The following HSPB7 variants were observed in gnomAD, a reference collection of about 807,000 sequenced individuals.
The protein encoded by HSPB7 is heat shock protein beta-7.
A neutral mutation model predicts 11.0 loss-of-function variants in HSPB7; 9 were observed. The observed-to-expected ratio is 0.82, with a 90% CI of 0.49 to 1.43. The LOEUF (loss-of-function observed/expected upper bound fraction) is 1.43, where lower values mean the gene tolerates loss of function less well. Among genes scored for constraint, HSPB7 ranks in the 40% most tolerant of loss-of-function variants. HSPB7 has a pLI of 0.00. For missense variants in HSPB7, 246 were observed against 243.9 expected (o/e 1.01, Z -0.06); for synonymous variants, 102 against 101.6 (o/e 1.00, Z -0.02).
At chr1:16,018,096 G>T (rs1475253581), upstream of HSPB7, 16 of 1,563,546 alleles carry the variant, frequency 1.0e-5, no homozygotes, top group African/African-American at 1.4e-5. Context: ...TGGGCTTGGG[G>T]CCAGCCCCTT....
chr1:16,016,544 A>G (rs898824067), intron 2 of HSPB7, among the ~76,000 whole-genome samples: 4 of 152,152 alleles, frequency 2.6e-5, no homozygotes, highest in East Asian at 1.9e-4. Flanking sequence ...TGTGACCCGA[A>G]ACTGCAGGGC....
In HSPB7 at chr1:16,015,862, A is replaced by G; in HGVS notation, c.334-103T>C. On this transcript the variant is annotated intron_variant, in intron 2 of 2. Transcript: ENST00000311890. This position sits in a 1 kb window ranked among gnomAD's most constrained non-coding sequence, Gnocchi z 4.9. ...CATTCTAACCCCAGCCAGACCCCAC[A>G]TGCCGAGGGGCTCTGCCCTCAGGTG... 1 of 1,097,686 alleles carries G rather than the reference A, an allele frequency of 9.1e-7. No homozygotes were observed. Among genetic ancestry groups the G allele is most frequent in the South Asian group, 1.6e-5 (1 of 63,936 alleles). The allele number at this position is 1,097,686 out of a possible 1,614,324, so 68.0% of individuals were successfully genotyped here. A position where few individuals can be genotyped will look rare whatever the true frequency, so the allele number is the denominator to read the frequency against.
upstream of HSPB7, chr1:16,019,078 A>T: frequency 7.1e-7 from 1 of 1,405,698 alleles, no homozygotes; most frequent in Non-Finnish European, 9.6e-7. Flanking sequence ...CTGGCCCGGA[A>T]GAGCCAGAGA....
At chr1:16,018,447 A>T (rs934400260), upstream of HSPB7, 6 of 1,154,394 alleles carry the variant, frequency 5.2e-6, no homozygotes, top group African/African-American at 9.9e-5. Context: ...ATCAGTGTGC[A>T]GGCTCCTTGG....
upstream of HSPB7, chr1:16,018,104 C>T (rs1158569662): frequency 1.3e-6 from 2 of 1,557,208 alleles, no homozygotes; most frequent in East Asian, 2.4e-5. Context: ...GGGCCAGCCC[C>T]TTGTCTACTA....
chr1:16,018,960 G>A (rs1156502590), upstream of HSPB7: 41 of 1,030,694 alleles, frequency 4.0e-5, no homozygotes, highest in Non-Finnish European at 4.4e-5. Context: ...TGGAAAGGGC[G>A]GGGCTCGCAG....
chr1:16,017,538 T>G, intron 1 of HSPB7: 1 of 593,232 alleles, frequency 1.7e-6, no homozygotes, highest in Non-Finnish European at 3.0e-6. Flanking sequence ...TGGGTGGCCA[T>G]GGAACCATGT....
rs188639876 is a variant in HSPB7, at chr1:16,017,295, C to T, written c.200-88G>A. The T allele has an allele frequency of 8.5e-4, 1,317 of 1,540,756 alleles. 1 individual carries two copies. The highest frequency in any genetic ancestry group is 1.1e-3 in the Non-Finnish European group (1,204 of 1,134,356). On this transcript the variant is annotated intron_variant, in intron 1 of 2. Coordinates refer to ENST00000311890, the MANE Select transcript of HSPB7 (RefSeq NM_014424.5). The stretch of plus-strand genomic sequence containing the variant: ...TGGCTCCTTCTCTTGGGGCAAGGGG[C>T]GGCTCCCCCAGGCCCTACCTCCCCC...
Position 16,017,059 on chromosome 1 carries a change from G to A in HSPB7, c.333+15C>T, listed in dbSNP as rs760739380. The stretch of plus-strand genomic sequence containing the variant: ...CAGAATTTGGGATGCGGTGAGTAGG[G>A]GGTGGGGGGCTCACCTTCTCAGCCC... On this transcript the variant is annotated intron_variant, in intron 2 of 2. Transcript: ENST00000311890. 24 of 1,601,746 alleles carry A rather than the reference G, an allele frequency of 1.5e-5. No homozygotes were observed. Among genetic ancestry groups the A allele is most frequent in the Non-Finnish European group, 2.0e-5 (23 of 1,169,880 alleles).
Position 16,015,389 on chromosome 1 carries a change from A to C in HSPB7, c.*191T>G, listed in dbSNP as rs565442961. On this transcript the variant is annotated 3_prime_UTR_variant, in exon 3 of 3. Coordinates refer to ENST00000311890, the MANE Select transcript of HSPB7 (RefSeq NM_014424.5). The surrounding 1 kb of genome is among the most constrained non-coding windows in gnomAD (Gnocchi z 4.9). ...ATCTGAAATCTGGGCATCATGTGTC[A>C]GGCCAGGGAGTCCCTGGCCTGCCCT... is the stretch of plus-strand genomic sequence containing the variant. The C allele has an allele frequency of 3.5e-6, 2 of 575,746 alleles. No homozygotes were observed. Among genetic ancestry groups the C allele is most frequent in the East Asian group, 6.1e-5 (2 of 33,038 alleles). 35.7% of individuals were successfully genotyped at this position (575,746 alleles called of 1,614,324 possible).
At chr1:16,017,636 C>T (rs2021845188) in intron 1 of HSPB7, 129 bp downstream of exon 1, 1 of 748,628 alleles carries the variant, frequency 1.3e-6, no homozygotes, top group South Asian at 1.8e-5. Context: ...TCTTGGTGGC[C>T]ACACATGGCT....
In HSPB7 at chr1:16,017,567, A is replaced by G. The variant is rs906848386; in HGVS notation, c.199+198T>C. On this transcript the variant is annotated intron_variant, in intron 1 of 2. Coordinates refer to ENST00000311890, the MANE Select transcript of HSPB7 (RefSeq NM_014424.5). ...ACCATGTCCAACCCCCAGGGCCACA[A>G]CTGTTCCTTAGAGGCCCACCTGTTT... 2.2e-5 allele frequency: 13 copies of G among 603,074 alleles called. No homozygotes were observed. The East Asian group carries it at 2.5e-4, about 12-fold the overall frequency. 37.4% of individuals were successfully genotyped at this position (603,074 alleles called of 1,614,324 possible). A position where few individuals can be genotyped will look rare whatever the true frequency, so the allele number is the denominator to read the frequency against.
At chr1:16,018,332 G>A (rs1056207), upstream of HSPB7, 116,181 of 1,247,256 alleles carry the variant, frequency 0.093, 5,834 homozygotes, top group Non-Finnish European at 0.1. Context: ...AACCTTGCAA[G>A]TTTGGGGTTT....
At chr1:16,019,277 G>C, upstream of HSPB7, 1 of 1,519,122 alleles carries the variant, frequency 6.6e-7, no homozygotes, top group Non-Finnish European at 8.9e-7. Flanking sequence ...CCCCCAGGGA[G>C]GCCTCTCTGA....
chr1:16,018,843 C>T, upstream of HSPB7: 1 of 1,278,622 alleles, frequency 7.8e-7, no homozygotes, highest in Non-Finnish European at 9.9e-7. Context: ...GCCTTCTGGG[C>T]ATGGGCTCCT....
upstream of HSPB7, chr1:16,018,979 G>A (rs2148846769): frequency 1.0e-6 from 1 of 995,552 alleles, no homozygotes; most frequent in East Asian, 2.6e-5. Context: ...AGTTGCGTAA[G>A]TGGCAGAGCT....
upstream of HSPB7, chr1:16,018,944 G>T: frequency 9.1e-7 from 1 of 1,095,512 alleles, no homozygotes; most frequent in Non-Finnish European, 1.3e-6. Flanking sequence ...GGGAAGCGAA[G>T]CCTCTTGGAA....
chr1:16,019,330 C>G, upstream of HSPB7: 1 of 1,424,468 alleles, frequency 7.0e-7, no homozygotes, highest in Middle Eastern at 1.7e-4. Context: ...CAGATGCCCC[C>G]AGCACTGACT....
rs1332430968 is a variant in HSPB7, at chr1:16,015,696, C to T, written c.397G>A (p.Asp133Asn). The change falls in exon 3 of 3, where the codon GAC becomes AAC. Residue 133 changes from aspartate to asparagine, a missense_variant. Physicochemically the swap from Asp to Asn is conservative, Grantham distance 23 (BLOSUM62 1). Transcript: ENST00000311890. The surrounding 1 kb of genome is among the most constrained non-coding windows in gnomAD (Gnocchi z 4.9). ...AGAGCCGAGGTCACCGACGTCGGGT[C>T]CACGTCCTCCGGCAGCTGGCACTTG... ...AHKCQLPEDVDPTSVTSALRE... is the reference protein window; with the variant it reads ...AHKCQLPEDVNPTSVTSALRE... 6.2e-7 allele frequency: 1 copy of T among 1,612,584 alleles called. No individual in the cohort carries two copies. Among genetic ancestry groups the T allele is most frequent in the African/African-American group, 1.3e-5 (1 of 75,032 alleles).
Sources: allele counts gnomAD v4.1 joint callset (sites outside exome capture counted in the v4.1 genomes callset), GRCh38; gene constraint gnomAD v4.1.1; non-coding constraint Gnocchi (gnomAD v3.1); transcripts MANE v1.5; gene names NCBI Gene and HGNC (gene_info 2026-07-23, HGNC 2026-07-21).